Variants in PRKCA observed in about 807,000 individuals in gnomAD.
PRKCA encodes the protein protein kinase C alpha, also known as protein kinase C alpha type.
Under a neutral mutation model 87.0 loss-of-function variants are expected in PRKCA, and 27 were observed. The ratio of observed to expected loss-of-function variants is 0.31; its 90% CI spans 0.23 to 0.43. PRKCA has a LOEUF of 0.43. Among genes scored for constraint, PRKCA ranks in the 20% least tolerant of loss-of-function variants. The pLI, the probability that PRKCA is intolerant of heterozygous loss-of-function variation, is 1.00. For missense variants in PRKCA, 518 were observed against 852.3 expected (o/e 0.61, Z 4.88); for synonymous variants, 329 against 311.1 (o/e 1.06, Z -0.61).
At chr17:66,358,676 T>C (rs936294743) in intron 2 of PRKCA, among the ~76,000 whole-genome samples, 1 of 152,202 alleles carries the variant, frequency 6.6e-6, no homozygotes, top group Non-Finnish European at 1.5e-5. Context: ...GTACCTTTTT[T>C]CTTGTCCTCT....
intron 2 of PRKCA, among the ~76,000 whole-genome samples, chr17:66,349,848 C>T (rs968449145): frequency 5.3e-5 from 8 of 152,034 alleles, no homozygotes; most frequent in Non-Finnish European, 1.2e-4. Flanking sequence ...TCGTTAATGT[C>T]TTCTGTGTGT....
chr17:66,383,943 C>G (rs1909907784), intron 2 of PRKCA, among the ~76,000 whole-genome samples: 2 of 150,824 alleles, frequency 1.3e-5, no homozygotes, highest in South Asian at 2.1e-4. Context: ...GAACAAGACT[C>G]TGTCTCAAAA....
chr17:66,803,678 A>G lies in PRKCA; in HGVS notation c.1855-195A>G, dbSNP rs1001396313. 7.8e-4 allele frequency among the ~76,000 whole-genome samples: 118 copies of G among 152,052 alleles called. No homozygotes were observed. The highest frequency in any genetic ancestry group is 2.8e-3 in the African/African-American group (116 of 41,402). On this transcript the variant is annotated intron_variant, in intron 16 of 16. Transcript: ENST00000413366. The surrounding 1 kb of genome is among the most constrained non-coding windows in gnomAD (Gnocchi z 4.4). ...TTCTGTTCGGGGTGTTTCAGGGTTTACAGTTGGGTAACTCGTTGTTGTCTG... is the reference window on the plus strand; with the variant it reads ...TTCTGTTCGGGGTGTTTCAGGGTTTGCAGTTGGGTAACTCGTTGTTGTCTG...
At position 66,302,759 on chromosome 17, in the gene PRKCA, C is replaced by A; in HGVS notation, c.-93C>A. 4.4e-6 allele frequency: 5 copies of A among 1,134,200 alleles called. No individual in the cohort carries two copies. Among genetic ancestry groups the A allele is most frequent in the Non-Finnish European group, 5.6e-6 (5 of 896,882 alleles). The allele number at this position is 1,134,200 out of a possible 1,614,324, so 70.3% of individuals were successfully genotyped here. On this transcript the variant is annotated 5_prime_UTR_variant, in exon 1 of 17. Coordinates refer to ENST00000413366, the MANE Select transcript of PRKCA (RefSeq NM_002737.3). ...GCCCGCGCCCCGCGCCCGGGGTCGC[C>A]CCGAGCCCGCACCTCTCCCCCGCCG...
intron 4 of PRKCA, among the ~76,000 whole-genome samples, chr17:66,642,957 T>A (rs2143808303): frequency 6.6e-6 from 1 of 152,240 alleles, no homozygotes. Context: ...GGAGAATTGC[T>A]TGAACCCAGG....
Position 66,645,262 on chromosome 17 carries a change from A to G in PRKCA, c.401-121A>G. 2.2e-6 allele frequency: 3 copies of G among 1,374,732 alleles called. No individual in the cohort carries two copies. In the South Asian group the frequency reaches 4.1e-5, roughly 19 times the overall value. The allele number at this position is 1,374,732 out of a possible 1,614,324, so 85.2% of individuals were successfully genotyped here. A position where few individuals can be genotyped will look rare whatever the true frequency, so the allele number is the denominator to read the frequency against. ...AACAGTTCTTTATGTCACCAAAAAC[A>G]TTATAGCAAAGTATCGAGTTGGGGG... On this transcript the variant is annotated intron_variant, in intron 4 of 16. Coordinates refer to ENST00000413366, the MANE Select transcript of PRKCA (RefSeq NM_002737.3).
At chr17:66,304,733 A>G (rs1420907452) in intron 1 of PRKCA, among the ~76,000 whole-genome samples, 1 of 152,172 alleles carries the variant, frequency 6.6e-6, no homozygotes, top group Non-Finnish European at 1.5e-5. Context: ...CTTTTATGAA[A>G]AGCACAGCCA....
At chr17:66,320,057 A>G (rs1905563057) in intron 2 of PRKCA, among the ~76,000 whole-genome samples, 1 of 152,054 alleles carries the variant, frequency 6.6e-6, no homozygotes, top group African/African-American at 2.4e-5. Flanking sequence ...TAATTCATAT[A>G]CATTTAAATA....
intron 16 of PRKCA, among the ~76,000 whole-genome samples, chr17:66,791,714 G>A (rs1975542582): frequency 6.6e-6 from 1 of 152,236 alleles, no homozygotes; most frequent in Non-Finnish European, 1.5e-5. Context: ...CTGGGGCAGA[G>A]ACACCACGCC....
At chr17:66,352,465 C>T (rs773577512) in intron 2 of PRKCA, among the ~76,000 whole-genome samples, 5 of 147,222 alleles carry the variant, frequency 3.4e-5, no homozygotes, top group African/African-American at 1.3e-4. Flanking sequence ...TCTGCTGAGG[C>T]GGTTGACATT....
In PRKCA at chr17:66,804,302, C is replaced by A. The variant is rs1217356516; in HGVS notation, c.*265C>A. The A allele has an allele frequency of 2.8e-6, 1 of 359,898 alleles. No individual in the cohort carries two copies. The highest frequency in any genetic ancestry group is 4.9e-6 in the Non-Finnish European group (1 of 203,606). The allele number at this position is 359,898 out of a possible 1,614,324, so 22.3% of individuals were successfully genotyped here. Reference sequence around the variant, plus strand: ...AAGTTACGTCTGGCTCTAGGTTAACCCTTCCTAGAAAGCAAGCAGACTGTT... The same window carrying A: ...AAGTTACGTCTGGCTCTAGGTTAACACTTCCTAGAAAGCAAGCAGACTGTT... On this transcript the variant is annotated 3_prime_UTR_variant, in exon 17 of 17. Transcript: ENST00000413366.
At chr17:66,432,637 C>T (rs1913158821) in intron 2 of PRKCA, among the ~76,000 whole-genome samples, 1 of 152,152 alleles carries the variant, frequency 6.6e-6, no homozygotes, top group Admixed American at 6.5e-5. Flanking sequence ...CTTGTCACTT[C>T]TTGAGATCTT....
intron 2 of PRKCA, among the ~76,000 whole-genome samples, chr17:66,436,574 T>C (rs1383172359): frequency 6.6e-6 from 1 of 152,172 alleles, no homozygotes; most frequent in Non-Finnish European, 1.5e-5. Context: ...GAACCAGTTA[T>C]GGGAGTGAGG....
intron 2 of PRKCA, among the ~76,000 whole-genome samples, chr17:66,491,387 T>A (rs1916239673): frequency 1.3e-5 from 2 of 152,218 alleles, no homozygotes; most frequent in Admixed American, 1.3e-4. Flanking sequence ...AAGACTTGTT[T>A]AAGGGCCAAG....
intron 13 of PRKCA, among the ~76,000 whole-genome samples, chr17:66,753,856 C>T (rs926680238): frequency 1.3e-5 from 2 of 152,130 alleles, no homozygotes; most frequent in Admixed American, 6.5e-5. Context: ...CAGAAGCCCA[C>T]CTGCTGGCAC....
chr17:66,380,395 T>C (rs1207719558), intron 2 of PRKCA, among the ~76,000 whole-genome samples: 1 of 152,112 alleles, frequency 6.6e-6, no homozygotes, highest in Non-Finnish European at 1.5e-5. Flanking sequence ...AATAAAATAA[T>C]ATTAGATACC....
intron 4 of PRKCA, 22 bp from the exon 5 acceptor site, chr17:66,645,361 C>T (rs933238229): frequency 8.7e-6 from 14 of 1,613,876 alleles, no homozygotes; most frequent in Non-Finnish European, 1.2e-5. Context: ...CCCAGCTCAC[C>T]CTCTCCTTTC....
At position 66,788,999 on chromosome 17, in the gene PRKCA, C is replaced by G. The variant is rs549251440; in HGVS notation, c.1854+20C>G. Reference sequence around the variant, plus strand: ...AAAGTGGTGAGTCCAGAAAAGCAGCCTGTTTTCGGAACCCCATGTCCCCAA... The same window carrying G: ...AAAGTGGTGAGTCCAGAAAAGCAGCGTGTTTTCGGAACCCCATGTCCCCAA... On this transcript the variant is annotated intron_variant, in intron 16 of 16. Transcript: ENST00000413366. 5.6e-6 allele frequency: 9 copies of G among 1,613,708 alleles called. No homozygotes were observed. Among genetic ancestry groups the G allele is most frequent in the Middle Eastern group, 1.7e-4 (1 of 6,056 alleles).
At chr17:66,470,209 TTTTA>T (rs1298078647) in intron 2 of PRKCA, among the ~76,000 whole-genome samples, 2,306 of 145,198 alleles carry the variant, frequency 0.016, 76 homozygotes, top group African/African-American at 0.058. Flanking sequence ...TTTTTTTTTT[TTTTA>T]AAAGACAGAG....
Sources: gnomAD v4.1 joint callset for allele counts (sites outside exome capture counted in the v4.1 genomes callset) on GRCh38, gnomAD v4.1.1 for gene constraint, Gnocchi (gnomAD v3.1) non-coding constraint, MANE v1.5 for transcripts, NCBI Gene and HGNC (gene_info 2026-07-23, HGNC 2026-07-21) for gene names.